PRKN: variants seen among roughly 807,000 people sequenced by gnomAD.
PRKN encodes parkin RBR E3 ubiquitin protein ligase, also known as E3 ubiquitin-protein ligase parkin.
Under a neutral mutation model 59.5 loss-of-function variants are expected in PRKN, and 56 were observed. The observed-to-expected ratio is 0.94, with a 90% CI of 0.76 to 1.18. The LOEUF (loss-of-function observed/expected upper bound fraction) is 1.18, where lower values mean the gene tolerates loss of function less well. Ranked by LOEUF, PRKN falls within the 50% of genes most tolerant of loss-of-function variation. PRKN has a pLI of 0.00. For synonymous variants in PRKN, 250 were observed against 222.1 expected (o/e 1.13, Z -1.12); for missense variants, 657 against 596.4 (o/e 1.10, Z -1.06).
Position 161,468,242 on chromosome 6 carries a change from G to C in PRKN, c.1083+80612C>G, listed in dbSNP as rs2115184503. ...CCCGCCTCAACCTCCCAACGTGCTA[G>C]GATTACAGGCATGAGCCGCCATGCC... On this transcript the variant is annotated intron_variant, in intron 9 of 11. Transcript: ENST00000366898. The surrounding 1 kb of genome is among the most constrained non-coding windows in gnomAD (Gnocchi z 5.9). 6.6e-6 allele frequency among the ~76,000 whole-genome samples: 1 copy of C among 152,206 alleles called. No homozygotes were observed.
At chr6:162,285,768 G>T (rs1781160846) in intron 2 of PRKN, among the ~76,000 whole-genome samples, 1 of 152,136 alleles carries the variant, frequency 6.6e-6, no homozygotes, top group Non-Finnish European at 1.5e-5. Flanking sequence ...ATTTAGGGTT[G>T]GCTACACTGA....
chr6:162,086,158 A>G (rs546774792), intron 4 of PRKN, among the ~76,000 whole-genome samples: 1 of 152,260 alleles, frequency 6.6e-6, no homozygotes, highest in East Asian at 1.9e-4. Context: ...CTATTAACAA[A>G]TGATTCTTTA....
Position 161,377,599 on chromosome 6 carries a change from C to G in PRKN, c.1167+9195G>C, listed in dbSNP as rs895726292. 2.0e-5 allele frequency among the ~76,000 whole-genome samples: 3 copies of G among 152,174 alleles called. No homozygotes were observed. Among genetic ancestry groups the G allele is most frequent in the South Asian group, 4.1e-4 (2 of 4,828 alleles). On this transcript the variant is annotated intron_variant, in intron 10 of 11. Coordinates refer to ENST00000366898, the MANE Select transcript of PRKN (RefSeq NM_004562.3). The surrounding 1 kb of genome is among the most constrained non-coding windows in gnomAD (Gnocchi z 4.2). ...CTTGGGCAACGCAACTGCTATGGTCCGAGTGTTTGTGTCTCCCCAGATTCC... is the reference window on the plus strand; with the variant it reads ...CTTGGGCAACGCAACTGCTATGGTCGGAGTGTTTGTGTCTCCCCAGATTCC...
intron 6 of PRKN, among the ~76,000 whole-genome samples, chr6:161,807,266 CAT>C (rs1036404476): frequency 3.9e-5 from 6 of 152,182 alleles, no homozygotes; most frequent in Admixed American, 2.6e-4. Context: ...AATACACACA[CAT>C]ACACACATAA....
At chr6:161,794,128 T>C (rs1036023778) in intron 6 of PRKN, among the ~76,000 whole-genome samples, 2 of 152,200 alleles carry the variant, frequency 1.3e-5, no homozygotes, top group African/African-American at 2.4e-5. Flanking sequence ...TATTTAAAAG[T>C]TCCCTATCAA....
intron 1 of PRKN, among the ~76,000 whole-genome samples, chr6:162,650,117 A>T (rs1421391343): frequency 6.6e-6 from 1 of 152,174 alleles, no homozygotes; most frequent in Non-Finnish European, 1.5e-5. Flanking sequence ...TTTCATATTC[A>T]TTAAACTGAA....
intron 10 of PRKN, among the ~76,000 whole-genome samples, chr6:161,368,733 G>T (rs1785324280): frequency 6.7e-6 from 1 of 150,200 alleles, no homozygotes; most frequent in Non-Finnish European, 1.5e-5. Context: ...CCGCCCTTCT[G>T]CCCTGGGCCA....
intron 6 of PRKN, among the ~76,000 whole-genome samples, chr6:161,842,383 G>A (rs1208951332): frequency 6.6e-6 from 1 of 151,038 alleles, no homozygotes; most frequent in African/African-American, 2.4e-5. Context: ...GAGGCAGGAG[G>A]ATCACTTGAA....
intron 5 of PRKN, among the ~76,000 whole-genome samples, chr6:161,988,469 C>T (rs929296475): frequency 2.6e-5 from 4 of 151,526 alleles, no homozygotes; most frequent in Admixed American, 6.6e-5. Flanking sequence ...CTGAGCAACA[C>T]GGCGAGACTC....
chr6:162,455,597 T>C (rs933181334), intron 1 of PRKN, among the ~76,000 whole-genome samples: 2 of 152,124 alleles, frequency 1.3e-5, no homozygotes, highest in African/African-American at 4.8e-5. Context: ...GACTGAAATG[T>C]TACTATGTGG....
At chr6:161,375,696 G>C (rs1460222333) in intron 10 of PRKN, among the ~76,000 whole-genome samples, 1 of 152,162 alleles carries the variant, frequency 6.6e-6, no homozygotes, top group Non-Finnish European at 1.5e-5. Context: ...GACCTGCCAA[G>C]GGCCATTTCT....
intron 2 of PRKN, among the ~76,000 whole-genome samples, chr6:162,393,209 G>A (rs1011371246): frequency 7.4e-6 from 1 of 135,870 alleles, no homozygotes; most frequent in South Asian, 2.4e-4. Context: ...GCCCAGGCTG[G>A]AGTGCAATGG....
chr6:162,175,280 A>G (rs1311788580), intron 4 of PRKN, among the ~76,000 whole-genome samples: 2 of 152,184 alleles, frequency 1.3e-5, no homozygotes, highest in East Asian at 1.9e-4. Flanking sequence ...TTTAAAACAT[A>G]GTTTGAGAAA....
In PRKN at chr6:161,463,945, GT is replaced by G. The variant is rs556164449; in HGVS notation, c.1084-77069del. ...ACATCAACATACAGAGACCTTTAGG[GT>G]TTTTTTTGTTTTTGTTTTTGTTTTT... On this transcript the variant is annotated intron_variant, in intron 9 of 11. Coordinates refer to ENST00000366898, the MANE Select transcript of PRKN (RefSeq NM_004562.3). This position sits in a 1 kb window ranked among gnomAD's most constrained non-coding sequence, Gnocchi z 4.8. Among the ~76,000 whole-genome samples, 4 of 151,922 alleles carry G rather than the reference GT, an allele frequency of 2.6e-5. No homozygotes were observed. Among genetic ancestry groups the G allele is most frequent in the South Asian group, 2.1e-4 (1 of 4,812 alleles).
At position 161,538,391 on chromosome 6, in the gene PRKN, T is replaced by A. The variant is rs1779501845; in HGVS notation, c.1083+10463A>T. Among the ~76,000 whole-genome samples the A allele has an allele frequency of 6.6e-6, 1 of 152,158 alleles. No individual in the cohort carries two copies. The highest frequency in any genetic ancestry group is 1.5e-5 in the Non-Finnish European group (1 of 68,024). On this transcript the variant is annotated intron_variant, in intron 9 of 11. Coordinates refer to ENST00000366898, the MANE Select transcript of PRKN (RefSeq NM_004562.3). The surrounding 1 kb of genome is among the most constrained non-coding windows in gnomAD (Gnocchi z 4.2). ...ACTTTAAGAAATCTCCTTCTTAGTCTCTATCCACAACCTCAACTTCTTAAT... is the reference window on the plus strand; with the variant it reads ...ACTTTAAGAAATCTCCTTCTTAGTCACTATCCACAACCTCAACTTCTTAAT...
chr6:162,051,743 G>A (rs1031901170), intron 5 of PRKN, among the ~76,000 whole-genome samples: 16 of 152,032 alleles, frequency 1.1e-4, no homozygotes, highest in Non-Finnish European at 8.8e-5. Context: ...GGCAGCTGCC[G>A]CCCCCACATG....
rs563091877 is a variant in PRKN, at chr6:162,687,844, A to C, written c.7+39818T>G. Among the ~76,000 whole-genome samples, 3 of 152,316 alleles carry C rather than the reference A, an allele frequency of 2.0e-5. No homozygotes were observed. In the South Asian group the frequency reaches 6.2e-4, roughly 32 times the overall value. On this transcript the variant is annotated intron_variant, in intron 1 of 11. Coordinates refer to ENST00000366898, the MANE Select transcript of PRKN (RefSeq NM_004562.3). Reference sequence around the variant, plus strand: ...GCAATTTGATTCTCAGCATGAAGGCAAGACTGGCAATTTACAAACTCCAGC... The same window carrying C: ...GCAATTTGATTCTCAGCATGAAGGCCAGACTGGCAATTTACAAACTCCAGC...
At chr6:162,489,645 T>C (rs998518329) in intron 1 of PRKN, among the ~76,000 whole-genome samples, 3 of 152,314 alleles carry the variant, frequency 2.0e-5, no homozygotes, top group Non-Finnish European at 2.9e-5. Flanking sequence ...TATAAGTATG[T>C]TGGGGGCAGC....
chr6:162,719,963 C>T (rs948486464), intron 1 of PRKN, among the ~76,000 whole-genome samples: 1 of 151,628 alleles, frequency 6.6e-6, no homozygotes, highest in African/African-American at 2.4e-5. Flanking sequence ...AATGTTCCTT[C>T]CTATTTCTCC....
Sources: gnomAD v4.1 joint callset for allele counts (sites outside exome capture counted in the v4.1 genomes callset) on GRCh38, gnomAD v4.1.1 for gene constraint, Gnocchi (gnomAD v3.1) non-coding constraint, MANE v1.5 for transcripts, NCBI Gene and HGNC (gene_info 2026-07-23, HGNC 2026-07-21) for gene names.